Variants in ARB2A observed in about 807,000 individuals in gnomAD.
The protein encoded by ARB2A is cotranscriptional regulator ARB2A.
the ARB2A span, among the ~76,000 whole-genome samples, chr5:93,776,588 G>A: frequency 1.3e-5 from 2 of 152,122 alleles, no homozygotes; most frequent in African/African-American, 4.8e-5. Context: ...GACCAGCGTG[G>A]CCAACATGGT....
chr5:94,066,251 T>A, the ARB2A span, among the ~76,000 whole-genome samples: 2 of 151,170 alleles, frequency 1.3e-5, no homozygotes, highest in Non-Finnish European at 3.0e-5. Flanking sequence ...GTAGAAAGAT[T>A]TCAAATAATC....
chr5:93,964,676 C>A, the ARB2A span, among the ~76,000 whole-genome samples: 1 of 151,958 alleles, frequency 6.6e-6, no homozygotes, highest in Non-Finnish European at 1.5e-5. Flanking sequence ...CCTAATTACC[C>A]ATAATGGTTT....
the ARB2A span, among the ~76,000 whole-genome samples, chr5:94,101,924 C>T: frequency 4.6e-5 from 7 of 151,316 alleles, no homozygotes; most frequent in South Asian, 4.2e-4. Flanking sequence ...AACCTACACA[C>T]GTATCCCCAA....
At chr5:93,967,420 G>A in the ARB2A span, among the ~76,000 whole-genome samples, 1 of 152,080 alleles carries the variant, frequency 6.6e-6, no homozygotes, top group Non-Finnish European at 1.5e-5. Context: ...GAGAAGTGAG[G>A]CCACAGAGCA....
At chr5:94,020,925 C>T in the ARB2A span, among the ~76,000 whole-genome samples, 3,555 of 152,144 alleles carry the variant, frequency 0.023, 59 homozygotes, top group Non-Finnish European at 0.034. Context: ...CATAGTGCAT[C>T]CTGTTTGAAA....
the ARB2A span, among the ~76,000 whole-genome samples, chr5:93,880,806 C>T: frequency 2.6e-5 from 4 of 151,724 alleles, no homozygotes; most frequent in Non-Finnish European, 4.4e-5. Flanking sequence ...GTTAGTACTA[C>T]AAAGTGTAAA....
chr5:93,719,782 A>G, the ARB2A span, among the ~76,000 whole-genome samples: 1 of 152,312 alleles, frequency 6.6e-6, no homozygotes, highest in East Asian at 1.9e-4. Flanking sequence ...TCCAAAACCT[A>G]AAATTTTAGC....
At chr5:94,071,881 T>C in the ARB2A span, among the ~76,000 whole-genome samples, 1 of 152,122 alleles carries the variant, frequency 6.6e-6, no homozygotes, top group Non-Finnish European at 1.5e-5. Context: ...CCCAGAGATA[T>C]GAAAACTTAT....
At chr5:93,858,594 C>T in the ARB2A span, among the ~76,000 whole-genome samples, 3 of 152,206 alleles carry the variant, frequency 2.0e-5, no homozygotes, top group Non-Finnish European at 4.4e-5. Flanking sequence ...GCCATCTTAA[C>T]ACTGTACTTC....
At chr5:93,767,133 T>C in the ARB2A span, among the ~76,000 whole-genome samples, 6 of 152,138 alleles carry the variant, frequency 3.9e-5, no homozygotes, top group African/African-American at 1.4e-4. Flanking sequence ...GGCACATGTA[T>C]ACACATGTAA....
At chr5:93,881,575 C>T in the ARB2A span, 111 of 1,610,918 alleles carry the variant, frequency 6.9e-5, 2 homozygotes, top group South Asian at 1.1e-3. Flanking sequence ...CTTTTCTTTC[C>T]CGTTTTTCTG....
At chr5:93,861,914 T>C in the ARB2A span, 1 of 152,188 alleles carries the variant, frequency 6.6e-6, no homozygotes. Context: ...GGATTTATAA[T>C]ATAAAGTTTT....
At chr5:93,942,069 G>T in the ARB2A span, among the ~76,000 whole-genome samples, 1 of 152,016 alleles carries the variant, frequency 6.6e-6, no homozygotes, top group South Asian at 2.1e-4. Context: ...GTTTCTCCCC[G>T]CTCTACCCCA....
At chr5:93,961,218 C>T in the ARB2A span, among the ~76,000 whole-genome samples, 16 of 152,190 alleles carry the variant, frequency 1.1e-4, no homozygotes, top group East Asian at 3.1e-3. Context: ...CCTGGAATGG[C>T]TATGGAGATG....
At chr5:93,919,243 A>G in the ARB2A span, among the ~76,000 whole-genome samples, 1 of 152,096 alleles carries the variant, frequency 6.6e-6, no homozygotes, top group African/African-American at 2.4e-5. Context: ...ATTTTTATAT[A>G]TTTATATAAA....
chr5:94,028,605 A>C, the ARB2A span, among the ~76,000 whole-genome samples: 16,635 of 152,236 alleles, frequency 0.11, 1,032 homozygotes, highest in Middle Eastern at 0.16. Flanking sequence ...CTAAAACTTT[A>C]TTCTCCTTTT....
the ARB2A span, chr5:93,621,279 C>T: frequency 4.2e-4 from 262 of 626,380 alleles, 2 homozygotes; most frequent in African/African-American, 4.7e-3. Flanking sequence ...GCCGCCCGCG[C>T]CCCGCCCCTC....
At chr5:94,063,387 C>G in the ARB2A span, among the ~76,000 whole-genome samples, 16,313 of 152,168 alleles carry the variant, frequency 0.11, 997 homozygotes, top group Middle Eastern at 0.16. Flanking sequence ...GCCTGTCGTA[C>G]CTACCATCAA....
the ARB2A span, among the ~76,000 whole-genome samples, chr5:93,761,824 A>G: frequency 6.6e-6 from 1 of 152,162 alleles, no homozygotes; most frequent in Non-Finnish European, 1.5e-5. Context: ...GCAGACTGAC[A>G]CCTCACACGG....
Sources: gnomAD v4.1 joint callset for allele counts (sites outside exome capture counted in the v4.1 genomes callset) on GRCh38, gnomAD v4.1.1 for gene constraint, MANE v1.5 for transcripts, NCBI Gene and HGNC (gene_info 2026-07-23, HGNC 2026-07-21) for gene names.